The following PTPRD variants were observed in gnomAD, a reference collection of about 807,000 sequenced individuals.
PTPRD encodes the protein protein tyrosine phosphatase receptor type D.
Under a neutral mutation model 214.5 loss-of-function variants are expected in PTPRD, and 34 were observed. The observed-to-expected ratio is 0.16, with a 90% confidence interval of 0.12 to 0.21. The LOEUF (loss-of-function observed/expected upper bound fraction) is 0.21, where lower values mean the gene tolerates loss of function less well. Among genes scored for constraint, PTPRD ranks in the 10% least tolerant of loss-of-function variants. The pLI is 1.00. For synonymous variants in PTPRD, 1,128 were observed against 845.7 expected (o/e 1.33, Z -5.79); for missense variants, 2,545 against 2,398.7 (o/e 1.06, Z -1.27).
intron 9 of PTPRD, among the ~76,000 whole-genome samples, chr9:9,189,473 A>G (rs2099933772): frequency 6.6e-6 from 1 of 152,062 alleles, no homozygotes; most frequent in African/African-American, 2.4e-5. Context: ...CTATTCCTAC[A>G]CATCCTTCAG....
chr9:9,506,959 G>T (rs1359012040), intron 8 of PTPRD, among the ~76,000 whole-genome samples: 2 of 151,376 alleles, frequency 1.3e-5, no homozygotes, highest in African/African-American at 2.4e-5. Context: ...ATTTCTAGAA[G>T]TTAAAGGATG....
At chr9:10,009,543 G>T (rs567082393) in intron 4 of PTPRD, among the ~76,000 whole-genome samples, 1 of 151,926 alleles carries the variant, frequency 6.6e-6, no homozygotes, top group South Asian at 2.1e-4. Flanking sequence ...AAGATAAGGA[G>T]TTGTGGAGAC....
chr9:9,075,187 A>G (rs1258755936), intron 10 of PTPRD, among the ~76,000 whole-genome samples: 2 of 152,126 alleles, frequency 1.3e-5, no homozygotes, highest in East Asian at 1.9e-4. Context: ...AGGTGTATAT[A>G]TTTTTAGGGT....
At chr9:9,004,480 GT>G (rs139627796) in intron 11 of PTPRD, among the ~76,000 whole-genome samples, 11 of 150,628 alleles carry the variant, frequency 7.3e-5, no homozygotes, top group African/African-American at 2.7e-4. Flanking sequence ...CTCTGTGGCT[GT>G]TTTTTTTTAC....
At position 9,316,221 on chromosome 9, in the gene PTPRD, T is replaced by A. The variant is rs374337320; in HGVS notation, c.-203+81228A>T. On this transcript the variant is annotated intron_variant, in intron 9 of 45. Transcript: ENST00000381196. ...AATAAAGCATGATTCTCCACCCCTA[T>A]GTCTCCCTCTCCTCCTCTCTCTCTC... 3.3e-5 allele frequency among the ~76,000 whole-genome samples: 5 copies of A among 152,088 alleles called. No individual in the cohort carries two copies. In the East Asian group the frequency reaches 9.7e-4, roughly 29 times the overall value.
At chr9:10,117,066 C>T (rs746921270) in intron 3 of PTPRD, among the ~76,000 whole-genome samples, 11 of 152,048 alleles carry the variant, frequency 7.2e-5, no homozygotes, top group Admixed American at 2.0e-4. Context: ...TCTACCCGCT[C>T]GTAGAATATA....
intron 11 of PTPRD, among the ~76,000 whole-genome samples, chr9:8,761,072 G>A (rs72702329): frequency 1.9e-3 from 288 of 152,322 alleles, no homozygotes; most frequent in Non-Finnish European, 3.4e-3. Context: ...GTCAGCAGAT[G>A]ACTGTGGGAT....
chr9:8,385,413 C>T (rs1772606703), intron 37 of PTPRD, among the ~76,000 whole-genome samples: 1 of 152,178 alleles, frequency 6.6e-6, no homozygotes, highest in African/African-American at 2.4e-5. Context: ...GTAGTCCCTG[C>T]TGTTCAGGCA....
intron 2 of PTPRD, among the ~76,000 whole-genome samples, chr9:10,573,870 C>A (rs2068265540): frequency 6.6e-6 from 1 of 152,048 alleles, no homozygotes; most frequent in Non-Finnish European, 1.5e-5. Context: ...GTGAAGCAGA[C>A]CACCATGGCA....
chr9:8,484,662 T>C (rs1290940821), intron 29 of PTPRD, among the ~76,000 whole-genome samples: 2 of 126,338 alleles, frequency 1.6e-5, no homozygotes, highest in Admixed American at 1.5e-4. Context: ...GACCTGTCAG[T>C]TGTATGTGAT....
At chr9:8,411,016 C>T (rs1328233842) in intron 35 of PTPRD, among the ~76,000 whole-genome samples, 1 of 151,820 alleles carries the variant, frequency 6.6e-6, no homozygotes, top group African/African-American at 2.4e-5. Context: ...CATTGATTCC[C>T]AGAAGTATAT....
At chr9:9,537,599 C>G (rs1385040980) in intron 8 of PTPRD, among the ~76,000 whole-genome samples, 1 of 151,922 alleles carries the variant, frequency 6.6e-6, no homozygotes, top group Admixed American at 6.6e-5. Context: ...GGTGCCTGTT[C>G]TTAGACTAAG....
intron 9 of PTPRD, among the ~76,000 whole-genome samples, chr9:9,334,639 G>A (rs1000160687): frequency 3.3e-5 from 5 of 151,804 alleles, no homozygotes; most frequent in Admixed American, 6.6e-5. Context: ...TCTATAAAAT[G>A]GATCTAATCA....
At position 8,414,641 on chromosome 9, in the gene PTPRD, C is replaced by G. The variant is rs751215279; in HGVS notation, c.4087-9981G>C. On this transcript the variant is annotated intron_variant, in intron 35 of 45. Coordinates refer to ENST00000381196, the MANE Select transcript of PTPRD (RefSeq NM_002839.4). ...ATAGGCTGAGTTTGAGTTAGGTAGT[C>G]CCTACATCCCAGTTTACACCTACTG... Among the ~76,000 whole-genome samples the G allele has an allele frequency of 2.0e-5, 3 of 151,952 alleles. No homozygotes were observed. In the South Asian group the frequency reaches 6.3e-4, roughly 32 times the overall value.
At chr9:10,340,523 AG>A (rs2154443540) in intron 3 of PTPRD, among the ~76,000 whole-genome samples, 1 of 152,046 alleles carries the variant, frequency 6.6e-6, no homozygotes, top group Admixed American at 6.6e-5. Context: ...ACATCTTCAA[AG>A]TCAGAAATAT....
chr9:10,304,172 A>G (rs1342752301), intron 3 of PTPRD, among the ~76,000 whole-genome samples: 1 of 152,192 alleles, frequency 6.6e-6, no homozygotes, highest in Non-Finnish European at 1.5e-5. Flanking sequence ...ACACATGATT[A>G]TCTCAATAAA....
intron 7 of PTPRD, among the ~76,000 whole-genome samples, chr9:9,580,008 C>A (rs2090236757): frequency 6.6e-6 from 1 of 152,104 alleles, no homozygotes; most frequent in African/African-American, 2.4e-5. Context: ...CCAGTTCCAT[C>A]CATATTGCTG....
intron 7 of PTPRD, among the ~76,000 whole-genome samples, chr9:9,657,873 G>A (rs2096550649): frequency 1.3e-5 from 2 of 152,132 alleles, no homozygotes; most frequent in African/African-American, 2.4e-5. Flanking sequence ...GTTGAGGAGT[G>A]CAATATAAAA....
At chr9:10,312,890 A>G (rs2154419137) in intron 3 of PTPRD, among the ~76,000 whole-genome samples, 1 of 152,024 alleles carries the variant, frequency 6.6e-6, no homozygotes, top group Admixed American at 6.6e-5. Context: ...TGTCATCTAG[A>G]TTACTTTTTG....
Sources: allele counts gnomAD v4.1 joint callset (sites outside exome capture counted in the v4.1 genomes callset), GRCh38; gene constraint gnomAD v4.1.1; transcripts MANE v1.5; gene names NCBI Gene and HGNC (gene_info 2026-07-23, HGNC 2026-07-21).